The following CTNNA3 variants were observed in gnomAD, a reference collection of about 807,000 sequenced individuals.
The protein encoded by CTNNA3 is catenin alpha-3.
In CTNNA3, 76 loss-of-function variants were observed where a neutral mutation model predicts 95.7. The observed-to-expected ratio is 0.79, with a 90% CI of 0.66 to 0.96. CTNNA3 has a LOEUF of 0.96. Among genes scored for constraint, CTNNA3 ranks in the 40% least tolerant of loss-of-function variants. The pLI, the probability that CTNNA3 is intolerant of heterozygous loss-of-function variation, is 0.00. For missense variants in CTNNA3, 1,191 were observed against 1,089.8 expected, an observed-to-expected ratio of 1.09 and a Z score of -1.31; for synonymous variants, 431 against 374.4, an observed-to-expected ratio of 1.15 and a Z score of -1.74.
At chr10:67,324,203 T>A (rs1027984786) in intron 5 of CTNNA3, among the ~76,000 whole-genome samples, 1 of 152,188 alleles carries the variant, frequency 6.6e-6, no homozygotes. Flanking sequence ...CTCTTTTTAT[T>A]TGGATGCTCT....
chr10:66,496,052 T>C (rs965920579), intron 11 of CTNNA3, among the ~76,000 whole-genome samples: 6 of 152,178 alleles, frequency 3.9e-5, no homozygotes, highest in African/African-American at 1.4e-4. Flanking sequence ...CATATTAGCA[T>C]AGAGTGATAG....
chr10:66,524,825 G>A (rs1417462323), intron 10 of CTNNA3, among the ~76,000 whole-genome samples: 4 of 152,054 alleles, frequency 2.6e-5, no homozygotes, highest in Admixed American at 6.6e-5. Flanking sequence ...TAAGGCAGGC[G>A]GATCTCCTGA....
intron 16 of CTNNA3, among the ~76,000 whole-genome samples, chr10:65,971,221 C>A (rs1207258355): frequency 6.6e-6 from 1 of 151,610 alleles, no homozygotes; most frequent in Admixed American, 6.6e-5. Context: ...AGAAAGATCT[C>A]AAATTAATGA....
chr10:66,443,014 G>A (rs1483781083), intron 11 of CTNNA3, among the ~76,000 whole-genome samples: 3 of 152,158 alleles, frequency 2.0e-5, no homozygotes, highest in Non-Finnish European at 4.4e-5. Flanking sequence ...ATTATATCCC[G>A]CATATGGCTC....
At chr10:67,019,178 T>C (rs1247266585) in intron 7 of CTNNA3, among the ~76,000 whole-genome samples, 1 of 152,186 alleles carries the variant, frequency 6.6e-6, no homozygotes, top group Non-Finnish European at 1.5e-5. Context: ...TTACTTCACA[T>C]TTGAAACCAT....
At chr10:66,739,951 C>G (rs1849272762) in intron 9 of CTNNA3, among the ~76,000 whole-genome samples, 1 of 152,066 alleles carries the variant, frequency 6.6e-6, no homozygotes, top group Non-Finnish European at 1.5e-5. Flanking sequence ...AAGAACAAAG[C>G]CCTCCTGAGA....
At chr10:66,967,047 A>G (rs1849460264) in intron 7 of CTNNA3, among the ~76,000 whole-genome samples, 1 of 152,090 alleles carries the variant, frequency 6.6e-6, no homozygotes, top group Non-Finnish European at 1.5e-5. Flanking sequence ...AATATTAAGT[A>G]TAACATAGAA....
intron 13 of CTNNA3, among the ~76,000 whole-genome samples, chr10:66,156,392 A>C (rs2133919315): frequency 6.6e-6 from 1 of 152,094 alleles, no homozygotes; most frequent in Non-Finnish European, 1.5e-5. Flanking sequence ...AAAAACTAGT[A>C]AAGGATTTGT....
At chr10:66,974,950 G>T (rs1241757456) in intron 7 of CTNNA3, among the ~76,000 whole-genome samples, 1 of 151,862 alleles carries the variant, frequency 6.6e-6, no homozygotes, top group East Asian at 1.9e-4. Context: ...CACAAGCTCT[G>T]AGTCAAGAAT....
intron 7 of CTNNA3, among the ~76,000 whole-genome samples, chr10:66,849,112 A>T (rs1025045001): frequency 7.9e-5 from 12 of 152,162 alleles, no homozygotes; most frequent in Admixed American, 7.2e-4. Context: ...ACATACCTTC[A>T]AGTGAAGAAG....
chr10:66,446,592 G>T (rs960938963), intron 11 of CTNNA3, among the ~76,000 whole-genome samples: 3 of 151,968 alleles, frequency 2.0e-5, no homozygotes, highest in Non-Finnish European at 4.4e-5. Flanking sequence ...TATCTCAATA[G>T]ATGCAGAAAA....
intron 1 of CTNNA3, among the ~76,000 whole-genome samples, chr10:67,736,066 A>T (rs1245613068): frequency 1.3e-5 from 2 of 152,248 alleles, no homozygotes; most frequent in Non-Finnish European, 2.9e-5. Context: ...AAATAAATGG[A>T]TAAACAAAAT....
chr10:67,523,452 A>T (rs1181793418), intron 4 of CTNNA3, among the ~76,000 whole-genome samples: 1 of 152,202 alleles, frequency 6.6e-6, no homozygotes, highest in East Asian at 1.9e-4. Flanking sequence ...ACTGGGTTTC[A>T]GAAAGTTTGA....
intron 6 of CTNNA3, among the ~76,000 whole-genome samples, chr10:67,214,169 T>G (rs1207295186): frequency 6.6e-6 from 1 of 151,816 alleles, no homozygotes; most frequent in Admixed American, 6.6e-5. Context: ...TGTTTTCTAC[T>G]GTGTGTACAT....
At chr10:66,663,141 C>G (rs534571338) in intron 9 of CTNNA3, among the ~76,000 whole-genome samples, 1 of 152,190 alleles carries the variant, frequency 6.6e-6, no homozygotes, top group African/African-American at 2.4e-5. Flanking sequence ...TTACTATAAT[C>G]TATTCTCTAC....
At chr10:67,203,227 G>A (rs12776200) in intron 6 of CTNNA3, among the ~76,000 whole-genome samples, 42,973 of 151,968 alleles carry the variant, frequency 0.28, 7,425 homozygotes, top group Middle Eastern at 0.49. Flanking sequence ...CATGGGGGCA[G>A]TTTCCCCCAT....
At chr10:66,459,520 T>A (rs968409170) in intron 11 of CTNNA3, among the ~76,000 whole-genome samples, 14 of 152,300 alleles carry the variant, frequency 9.2e-5, no homozygotes, top group South Asian at 4.2e-4. Flanking sequence ...TTTCTCGACA[T>A]CCTCACCAGT....
chr10:66,386,511 C>G (rs1362758875), intron 11 of CTNNA3, among the ~76,000 whole-genome samples: 2 of 152,098 alleles, frequency 1.3e-5, no homozygotes, highest in Admixed American at 1.3e-4. Context: ...GTGAAAATGG[C>G]CATACTGCCC....
intron 13 of CTNNA3, among the ~76,000 whole-genome samples, chr10:66,144,366 CTT>C (rs1231095301): frequency 1.3e-5 from 2 of 152,038 alleles, no homozygotes; most frequent in African/African-American, 4.8e-5. Flanking sequence ...TTTTATCAAA[CTT>C]AGCATGTTAG....
Sources: gnomAD v4.1 joint callset for allele counts (sites outside exome capture counted in the v4.1 genomes callset) on GRCh38, gnomAD v4.1.1 for gene constraint, MANE v1.5 for transcripts, NCBI Gene and HGNC (gene_info 2026-07-23, HGNC 2026-07-21) for gene names.